DNAAF1: variants seen among roughly 807,000 people sequenced by gnomAD.
The protein encoded by DNAAF1 is dynein assembly factor 1, axonemal.
DNAAF1 carries 65 observed loss-of-function variants against 71.1 expected under a neutral mutation model. The observed-to-expected ratio is 0.91, with a 90% CI of 0.75 to 1.12. The LOEUF (loss-of-function observed/expected upper bound fraction) is 1.12. Among genes scored for constraint, DNAAF1 ranks in the 50% most tolerant of loss-of-function variants. DNAAF1 has a pLI of 0.00. For synonymous variants in DNAAF1, 414 were observed against 354.6 expected (o/e 1.17, Z -1.88); for missense variants, 1,178 against 899.8 (o/e 1.31, Z -3.96).
rs754336069 is a variant in DNAAF1 at position 84,150,616 on chromosome 16, CT to C, written c.352+291del. On this transcript the variant is annotated intron_variant, in intron 3 of 11. Coordinates refer to ENST00000378553, the MANE Select transcript of DNAAF1 (RefSeq NM_178452.6). ...TAAGGAATTTTTTTTTCTTTTCTTT[CT>C]TTTTTTTTTTTTTTTTGAGATGGTG... is the stretch of plus-strand genomic sequence containing the variant. Among the ~76,000 whole-genome samples, 11,684 of 130,058 alleles carry C rather than the reference CT, an allele frequency of 0.09. 743 individuals carry two copies. Among genetic ancestry groups the C allele is most frequent in the African/African-American group, 0.26 (8,900 of 33,934 alleles). The allele number at this position is 130,058 out of a possible 152,430, so 85.3% of individuals were successfully genotyped here. A position where few individuals can be genotyped will look rare whatever the true frequency, so the allele number is the denominator to read the frequency against.
At chr16:84,145,768 A>G (rs894490901) in intron 1 of DNAAF1, among the ~76,000 whole-genome samples, 2 of 152,192 alleles carry the variant, frequency 1.3e-5, no homozygotes, top group African/African-American at 4.8e-5. Flanking sequence ...CAAAACTTGC[A>G]CCAAACAGAT....
intron 5 of DNAAF1, among the ~76,000 whole-genome samples, chr16:84,156,780 A>C (rs905019645): frequency 6.6e-6 from 1 of 151,992 alleles, no homozygotes; most frequent in African/African-American, 2.4e-5. Context: ...GGCCAGGATC[A>C]ATGTTTGACC....
At chr16:84,172,460 C>G (rs910565625) in intron 9 of DNAAF1, 85 bp downstream of exon 9, 5 of 1,558,290 alleles carry the variant, frequency 3.2e-6, no homozygotes, top group South Asian at 1.2e-5. Flanking sequence ...TGGAGACCCT[C>G]GATACCCCAA....
chr16:84,172,889 T>A, intron 9 of DNAAF1: 1 of 1,010,540 alleles, frequency 9.9e-7, no homozygotes. Flanking sequence ...TGAGTGAATG[T>A]TTGATCGCAG....
intron 9 of DNAAF1, chr16:84,172,918 C>T (rs975188626): frequency 9.9e-7 from 1 of 1,006,826 alleles, no homozygotes; most frequent in Non-Finnish European, 1.2e-6. Context: ...GTCACTCTTC[C>T]CTGAAGCTCT....
intron 5 of DNAAF1, chr16:84,159,275 C>T (rs1026366038): frequency 1.0e-5 from 11 of 1,102,400 alleles, no homozygotes; most frequent in East Asian, 7.3e-5. Context: ...CGGCTGTGTG[C>T]GTTTTGGTAA....
At chr16:84,169,050 A>T (rs1017732050) in intron 7 of DNAAF1, among the ~76,000 whole-genome samples, 2 of 150,334 alleles carry the variant, frequency 1.3e-5, no homozygotes, top group Non-Finnish European at 2.9e-5. Context: ...CATTATAAAC[A>T]ACACTAATGA....
Position 84,177,813 on chromosome 16 carries a change from C to T in DNAAF1, c.2150C>T (p.Thr717Ile). 2 of 1,614,052 alleles carry T rather than the reference C, an allele frequency of 1.2e-6. No homozygotes were observed. Among genetic ancestry groups the T allele is most frequent in the Non-Finnish European group, 1.7e-6 (2 of 1,179,936 alleles). ...PSQALPTWDL[T>I]AFPAPKAS ...CAAGCTCTGCCCACGTGGGACCTCA[C>T]TGCATTCCCAGCACCGAAAGCATCA... The change falls in exon 12 of 12, where the codon ACT (threonine) becomes ATT (isoleucine). Residue 717 changes from threonine to isoleucine, a missense_variant. By Grantham distance (89) the Thr-to-Ile change is moderately conservative (BLOSUM62 -1). Coordinates refer to ENST00000378553, the MANE Select transcript of DNAAF1 (RefSeq NM_178452.6).
At chr16:84,161,177 A>T (rs1473877083) in intron 6 of DNAAF1, among the ~76,000 whole-genome samples, 1 of 152,154 alleles carries the variant, frequency 6.6e-6, no homozygotes, top group Non-Finnish European at 1.5e-5. Flanking sequence ...TACTGTTGCC[A>T]CAGGGTCCCT....
At position 84,145,389 on chromosome 16, in the gene DNAAF1, G is replaced by T. The variant is rs2151196948; in HGVS notation, c.-52G>T. 1 of 1,560,014 alleles carries T rather than the reference G, an allele frequency of 6.4e-7. No homozygotes were observed. The highest frequency in any genetic ancestry group is 1.9e-5 in the Admixed American group (1 of 51,638). On this transcript the variant is annotated 5_prime_UTR_variant, in exon 1 of 12. Transcript: ENST00000378553. ...GGCTGGGGCCGTAGCGACGTCCGCC[G>T]CGAACCTGGGCCCCCCAAAGCTGCG...
intron 5 of DNAAF1, among the ~76,000 whole-genome samples, chr16:84,156,804 TTTTTC>T (rs138914975): frequency 0.11 from 16,552 of 149,578 alleles, 1,048 homozygotes; most frequent in South Asian, 0.25. Flanking sequence ...TTATTTATCA[TTTTTC>T]TTTTCTTTTC....
intron 8 of DNAAF1, among the ~76,000 whole-genome samples, chr16:84,171,852 C>G (rs1309544713): frequency 2.0e-5 from 3 of 151,820 alleles, no homozygotes; most frequent in Non-Finnish European, 4.4e-5. Context: ...TGGAGGCTGG[C>G]CTTTGGGCCC....
intron 3 of DNAAF1, among the ~76,000 whole-genome samples, chr16:84,153,969 T>C (rs1298757606): frequency 6.6e-6 from 1 of 152,080 alleles, no homozygotes; most frequent in Admixed American, 6.6e-5. Flanking sequence ...CCCCTAGGAT[T>C]CATCAAAGTT....
rs770803533 is a variant in DNAAF1, at chr16:84,170,243, C to G, written c.1415C>G (p.Thr472Ser). The change falls in exon 8 of 12, where the codon ACC becomes AGC. Residue 472 changes from threonine (T) to serine (S), a missense_variant. By Grantham distance (58) the Thr-to-Ser change is moderately conservative. Coordinates refer to ENST00000378553, the MANE Select transcript of DNAAF1 (RefSeq NM_178452.6). ...CCAGAGGGGACCCTCCCAGCTGAGA[C>G]CCTGCTACTGTCACCGCCTGTGAAG... ...QEPEGTLPAE[T>S]LLLSPPVKVK... 1.2e-6 allele frequency: 2 copies of G among 1,609,600 alleles called. No individual in the cohort carries two copies. Among genetic ancestry groups the G allele is most frequent in the Non-Finnish European group, 1.7e-6 (2 of 1,178,030 alleles).
chr16:84,154,243 ACT>A (rs2087310447), intron 3 of DNAAF1, among the ~76,000 whole-genome samples: 1 of 152,196 alleles, frequency 6.6e-6, no homozygotes, highest in Non-Finnish European at 1.5e-5. Flanking sequence ...AGGTCAAGCT[ACT>A]GGCAGATTTG....
intron 10 of DNAAF1, 72 bp from the exon 11 acceptor site, chr16:84,175,861 T>C: frequency 6.4e-7 from 1 of 1,560,972 alleles, no homozygotes; most frequent in Non-Finnish European, 8.8e-7. Context: ...AAAGCAGAAC[T>C]GGCATGGTGC....
intron 5 of DNAAF1, chr16:84,159,218 G>A (rs1433885386): frequency 2.2e-5 from 23 of 1,037,108 alleles, no homozygotes; most frequent in Non-Finnish European, 2.6e-5. Context: ...AGAGGTAAGC[G>A]GGCACTCCCC....
At chr16:84,164,056 T>C (rs2087848746) in intron 6 of DNAAF1, among the ~76,000 whole-genome samples, 8 of 152,138 alleles carry the variant, frequency 5.3e-5, no homozygotes, top group Admixed American at 5.2e-4. Flanking sequence ...CTGCCCATCT[T>C]GGCCTCCCAG....
rs1597417751 is a variant in DNAAF1 at position 84,154,641 on chromosome 16, T to C, written c.417T>C (p.Asn139=). 1.2e-6 allele frequency: 2 copies of C among 1,614,146 alleles called. No homozygotes were observed. The highest frequency in any genetic ancestry group is 1.7e-6 in the Non-Finnish European group (2 of 1,180,042). The part of the protein sequence containing the change: ...TGLRCLWLQS[N]GIQKIENLEA... ...TGCGCTGTCTCTGGCTGCAGAGCAA[T>C]GGAATACAGAAAATCGAAAACCTGG... The change falls in exon 4 of 12, where the codon AAT becomes AAC. Residue 139 remains asparagine, a synonymous_variant. Transcript: ENST00000378553.
Sources: allele counts gnomAD v4.1 joint callset (sites outside exome capture counted in the v4.1 genomes callset), GRCh38; gene constraint gnomAD v4.1.1; transcripts MANE v1.5; gene names NCBI Gene and HGNC (gene_info 2026-07-23, HGNC 2026-07-21).